GRM4: variants seen among roughly 807,000 people sequenced by gnomAD.
The protein encoded by GRM4 is glutamate metabotropic receptor 4.
GRM4 carries 28 observed loss-of-function variants against 81.7 expected under a neutral mutation model. The observed-to-expected ratio is 0.34, with a 90% CI of 0.25 to 0.47. The LOEUF is 0.47. Among genes scored for constraint, GRM4 ranks in the 20% least tolerant of loss-of-function variants. The pLI is 1.00. For missense variants in GRM4, 948 were observed against 1,290.0 expected (o/e 0.73, Z 4.06); for synonymous variants, 488 against 528.8 (o/e 0.92, Z 1.06).
intron 2 of GRM4, among the ~76,000 whole-genome samples, chr6:34,113,143 C>T (rs1385062675): frequency 1.3e-5 from 2 of 151,322 alleles, no homozygotes; most frequent in Non-Finnish European, 2.9e-5. Flanking sequence ...TCCCTTCCCT[C>T]CCTCCCTTCC....
At chr6:34,141,166 C>T (rs1309964548) in intron 1 of GRM4, among the ~76,000 whole-genome samples, 2 of 152,226 alleles carry the variant, frequency 1.3e-5, no homozygotes, top group East Asian at 3.8e-4. Context: ...AGAGGGGTGG[C>T]TGGGAGAGCC....
chr6:34,078,792 C>G lies in GRM4; in HGVS notation c.736+13091G>C, dbSNP rs372171532. Among the ~76,000 whole-genome samples, 3 of 152,170 alleles carry G rather than the reference C, an allele frequency of 2.0e-5. No homozygotes were observed. Among genetic ancestry groups the G allele is most frequent in the Non-Finnish European group, 4.4e-5 (3 of 68,042 alleles). The stretch of plus-strand genomic sequence containing the variant: ...CCAAGGCCTCCCTGGGGCCCCAAGC[C>G]GTCTGCAAGAGTCGTTAGCTTTCCT... On this transcript the variant is annotated intron_variant, in intron 3 of 10. Coordinates refer to ENST00000538487, the MANE Select transcript of GRM4 (RefSeq NM_000841.4). This position sits in a 1 kb window ranked among gnomAD's most constrained non-coding sequence, Gnocchi z 4.8.
chr6:34,084,775 T>C (rs1767800939), intron 3 of GRM4, among the ~76,000 whole-genome samples: 1 of 152,152 alleles, frequency 6.6e-6, no homozygotes, highest in East Asian at 1.9e-4. Context: ...CCTCCAGGCT[T>C]TTGTTCCTAC....
At chr6:34,063,972 A>G (rs536298557) in intron 3 of GRM4, among the ~76,000 whole-genome samples, 97 of 152,320 alleles carry the variant, frequency 6.4e-4, no homozygotes, top group Non-Finnish European at 1.1e-3. Context: ...AGAAACTGTT[A>G]GGTTAAGTCA....
intron 1 of GRM4, among the ~76,000 whole-genome samples, chr6:34,142,743 T>C (rs1010207222): frequency 6.6e-6 from 1 of 152,186 alleles, no homozygotes; most frequent in Non-Finnish European, 1.5e-5. Flanking sequence ...TGCCTGCCGC[T>C]GTGCAAGGCG....
chr6:34,044,863 G>C (rs755018481), intron 6 of GRM4, among the ~76,000 whole-genome samples: 7 of 69,694 alleles, frequency 1.0e-4, no homozygotes, highest in South Asian at 9.6e-4. Context: ...CACACACACA[G>C]ACATACATAC....
intron 1 of GRM4, among the ~76,000 whole-genome samples, chr6:34,142,256 C>A (rs537850499): frequency 6.6e-6 from 1 of 152,316 alleles, no homozygotes; most frequent in East Asian, 1.9e-4. Flanking sequence ...TCCCCACATG[C>A]CTTCTTCAGG....
chr6:34,133,574 G>A lies in GRM4; in HGVS notation c.-78C>T. The A allele has an allele frequency of 6.7e-7, 1 of 1,491,404 alleles. No homozygotes were observed. Among genetic ancestry groups the A allele is most frequent in the Non-Finnish European group, 8.9e-7 (1 of 1,128,364 alleles). 92.4% of individuals were successfully genotyped at this position (1,491,404 alleles called of 1,614,324 possible). ...GGCCCCTGGCCCCACGGCCTGGGTG[G>A]GCATGGGCAGGGCAGCTTCAGCAGC... is the stretch of plus-strand genomic sequence containing the variant. On this transcript the variant is annotated 5_prime_UTR_variant, in exon 2 of 11. Coordinates refer to ENST00000538487, the MANE Select transcript of GRM4 (RefSeq NM_000841.4). The surrounding 1 kb of genome is among the most constrained non-coding windows in gnomAD (Gnocchi z 6.5).
Position 34,142,971 on chromosome 6 carries a change from C to T in GRM4, c.-364+3029G>A, listed in dbSNP as rs559183801. The stretch of plus-strand genomic sequence containing the variant: ...GCCACCCCCCCACCAATATATCTCG[C>T]TCCTGAAAATGCCTAAGAATCCATG... On this transcript the variant is annotated intron_variant, in intron 1 of 10. Coordinates refer to ENST00000538487, the MANE Select transcript of GRM4 (RefSeq NM_000841.4). 2.0e-5 allele frequency among the ~76,000 whole-genome samples: 3 copies of T among 152,348 alleles called. No homozygotes were observed. The East Asian group carries it at 5.8e-4, about 29-fold the overall frequency.
In GRM4 at chr6:34,146,017, G is replaced by A. The variant is rs1770918535; in HGVS notation, c.-381C>T. 2 of 985,266 alleles carry A rather than the reference G, an allele frequency of 2.0e-6. No individual in the cohort carries two copies. Among genetic ancestry groups the A allele is most frequent in the Admixed American group, 6.1e-5 (1 of 16,268 alleles). 61.0% of individuals were successfully genotyped at this position (985,266 alleles called of 1,614,324 possible). A position where few individuals can be genotyped will look rare whatever the true frequency, so the allele number is the denominator to read the frequency against. On this transcript the variant is annotated 5_prime_UTR_variant, in exon 1 of 11. Coordinates refer to ENST00000538487, the MANE Select transcript of GRM4 (RefSeq NM_000841.4). ...TCACCTACCCCGAGGACATGGCGGGGACCCCTTCTCACCCCAGAGGGGGAG... is the reference window on the plus strand; with the variant it reads ...TCACCTACCCCGAGGACATGGCGGGAACCCCTTCTCACCCCAGAGGGGGAG...
Position 34,035,639 on chromosome 6 carries a change from A to T in GRM4, c.2442+29T>A. On this transcript the variant is annotated intron_variant, in intron 9 of 10. Transcript: ENST00000538487. The surrounding 1 kb of genome is among the most constrained non-coding windows in gnomAD (Gnocchi z 6.6). ...CCTTGCTCACTGCCCTCACCTACCC[A>T]CCGTCCACCCCCGGCCCCCACCACT... is the stretch of plus-strand genomic sequence containing the variant. 1 of 713,902 alleles carries T rather than the reference A, an allele frequency of 1.4e-6. No individual in the cohort carries two copies. The highest frequency in any genetic ancestry group is 2.3e-6 in the Non-Finnish European group (1 of 428,510). The allele number at this position is 713,902 out of a possible 1,614,324, so 44.2% of individuals were successfully genotyped here.
chr6:34,142,649 C>A (rs969651491), intron 1 of GRM4, among the ~76,000 whole-genome samples: 1 of 152,206 alleles, frequency 6.6e-6, no homozygotes, highest in Admixed American at 6.5e-5. Context: ...CTGAACCCGG[C>A]CCCCTGACCC....
At chr6:34,110,687 T>C (rs1334810765) in intron 2 of GRM4, 1 of 1,511,534 alleles carries the variant, frequency 6.6e-7, no homozygotes, top group Admixed American at 2.0e-5. Flanking sequence ...TCCAGGAGCG[T>C]GTGTCTGCCT....
intron 2 of GRM4, among the ~76,000 whole-genome samples, chr6:34,093,006 C>T (rs1195318058): frequency 1.3e-5 from 2 of 152,176 alleles, no homozygotes; most frequent in East Asian, 1.9e-4. Flanking sequence ...CTCCACTCCC[C>T]GCTTGGCCCA....
rs1307912576 is a variant in GRM4, at chr6:34,110,990, G to A, written c.520-18891C>T. 11 of 472,304 alleles carry A rather than the reference G, an allele frequency of 2.3e-5. No individual in the cohort carries two copies. The East Asian group carries it at 5.6e-4, about 24-fold the overall frequency. 29.3% of individuals were successfully genotyped at this position (472,304 alleles called of 1,614,324 possible). On this transcript the variant is annotated intron_variant, in intron 2 of 10. Coordinates refer to ENST00000538487, the MANE Select transcript of GRM4 (RefSeq NM_000841.4). ...ACTGCAAGGAGCCAAGCGGAGACAGGGCTCCCCATGGGCACCCTCAGGCTG... is the reference window on the plus strand; with the variant it reads ...ACTGCAAGGAGCCAAGCGGAGACAGAGCTCCCCATGGGCACCCTCAGGCTG...
intron 10 of GRM4, among the ~76,000 whole-genome samples, chr6:34,027,694 T>C (rs574349841): frequency 6.6e-6 from 1 of 152,264 alleles, no homozygotes; most frequent in South Asian, 2.1e-4. Flanking sequence ...CCGGGGACGA[T>C]TCCTTCTCCC....
At chr6:34,120,481 A>T (rs1297026746) in intron 2 of GRM4, among the ~76,000 whole-genome samples, 1 of 152,212 alleles carries the variant, frequency 6.6e-6, no homozygotes, top group African/African-American at 2.4e-5. Context: ...ACTTAGGACC[A>T]TCTTAGAAAA....
rs889593182 is a variant in GRM4 at position 34,021,180 on chromosome 6, G to A, written c.*1641C>T. 6.6e-6 allele frequency: 1 copy of A among 152,420 alleles called. No homozygotes were observed. The highest frequency in any genetic ancestry group is 1.9e-4 in the East Asian group (1 of 5,170). The allele number at this position is 152,420 out of a possible 1,614,324, so 9.4% of individuals were successfully genotyped here. On this transcript the variant is annotated 3_prime_UTR_variant, in exon 11 of 11. Coordinates refer to ENST00000538487, the MANE Select transcript of GRM4 (RefSeq NM_000841.4). This position sits in a 1 kb window ranked among gnomAD's most constrained non-coding sequence, Gnocchi z 5.3. ...AGACAGGCATCTGCATGAGCCACCG[G>A]GGCCCAAACAGATGATCAGACACGC...
At position 34,080,465 on chromosome 6, in the gene GRM4, T is replaced by C. The variant is rs1457973018; in HGVS notation, c.736+11418A>G. Among the ~76,000 whole-genome samples the C allele has an allele frequency of 1.3e-5, 2 of 152,220 alleles. No individual in the cohort carries two copies. The highest frequency in any genetic ancestry group is 2.9e-5 in the Non-Finnish European group (2 of 68,044). Reference sequence around the variant, plus strand: ...TGCTTAGTCCACGGCCGTACCCCAGTGTCCTGGTCCAATGCCTGGCACATA... The same window carrying C: ...TGCTTAGTCCACGGCCGTACCCCAGCGTCCTGGTCCAATGCCTGGCACATA... On this transcript the variant is annotated intron_variant, in intron 3 of 10. Transcript: ENST00000538487. The surrounding 1 kb of genome is among the most constrained non-coding windows in gnomAD (Gnocchi z 5.4).
Sources: gnomAD v4.1 joint callset for allele counts (sites outside exome capture counted in the v4.1 genomes callset) on GRCh38, gnomAD v4.1.1 for gene constraint, Gnocchi (gnomAD v3.1) non-coding constraint, MANE v1.5 for transcripts, NCBI Gene and HGNC (gene_info 2026-07-23, HGNC 2026-07-21) for gene names.